The following CAMTA1 variants were observed in gnomAD, a reference collection of about 807,000 sequenced individuals.
CAMTA1 encodes the protein calmodulin binding transcription activator 1.
Under a neutral mutation model 170.9 loss-of-function variants are expected in CAMTA1, and 27 were observed. The ratio of observed to expected loss-of-function variants is 0.16; its 90% CI spans 0.12 to 0.22. The LOEUF (loss-of-function observed/expected upper bound fraction) is 0.22. Among genes scored for constraint, CAMTA1 ranks in the 10% least tolerant of loss-of-function variants. The probability of loss-of-function intolerance (pLI) is 1.00; values close to 1 mark genes in which losing one functional copy is unlikely to be tolerated. For missense variants in CAMTA1, 1,619 were observed against 2,217.2 expected, an observed-to-expected ratio of 0.73 and a Z score of 5.42; for synonymous variants, 833 against 891.5, an observed-to-expected ratio of 0.93 and a Z score of 1.17.
chr1:7,061,345 G>T (rs559853089), intron 3 of CAMTA1, among the ~76,000 whole-genome samples: 66 of 152,332 alleles, frequency 4.3e-4, no homozygotes, highest in African/African-American at 1.5e-3. Context: ...TCGCCAGCGC[G>T]CACAGTTGCT....
intron 7 of CAMTA1, among the ~76,000 whole-genome samples, chr1:7,647,720 G>C (rs929569951): frequency 5.9e-5 from 9 of 152,332 alleles, no homozygotes; most frequent in Admixed American, 2.0e-4. Context: ...ACGGCGGGCT[G>C]GGAGCTCCGA....
chr1:7,064,470 A>G lies in CAMTA1; in HGVS notation c.235-26834A>G, dbSNP rs1211746299. ...GTCCATAGCAGTCAGTAAATAGATAAAGCGAATTTCCCTGGTGGGAAGTGC... is the reference window on the plus strand; with the variant it reads ...GTCCATAGCAGTCAGTAAATAGATAGAGCGAATTTCCCTGGTGGGAAGTGC... On this transcript the variant is annotated intron_variant, in intron 3 of 22. Coordinates refer to ENST00000303635, the MANE Select transcript of CAMTA1 (RefSeq NM_015215.4). The surrounding 1 kb of genome is among the most constrained non-coding windows in gnomAD (Gnocchi z 5.4). Among the ~76,000 whole-genome samples the G allele has an allele frequency of 6.6e-6, 1 of 152,184 alleles. No homozygotes were observed. Among genetic ancestry groups the G allele is most frequent in the African/African-American group, 2.4e-5 (1 of 41,444 alleles).
rs76280670 is a variant in CAMTA1 at position 7,607,742 on chromosome 1, C to G, written c.511-32658C>G. On this transcript the variant is annotated intron_variant, in intron 6 of 22. Transcript: ENST00000303635. ...GTGTGAATGGAAAAGTGGCATGAAT[C>G]TTTCCTCAAATCTTTGAAAGACTGT... 9.3e-3 allele frequency among the ~76,000 whole-genome samples: 1,420 copies of G among 152,272 alleles called. 26 individuals are homozygous for G. Among genetic ancestry groups the G allele is most frequent in the African/African-American group, 0.033 (1,369 of 41,544 alleles).
At chr1:7,350,496 C>G (rs939065370) in intron 5 of CAMTA1, among the ~76,000 whole-genome samples, 2 of 152,186 alleles carry the variant, frequency 1.3e-5, no homozygotes, top group African/African-American at 4.8e-5. Context: ...AGTGTAGCCT[C>G]TCCGTTTCTG....
intron 6 of CAMTA1, among the ~76,000 whole-genome samples, chr1:7,589,289 G>A (rs1160628168): frequency 6.6e-6 from 1 of 152,190 alleles, no homozygotes; most frequent in African/African-American, 2.4e-5. Context: ...AGGGGTGGGT[G>A]TTGCCCTCTT....
chr1:7,556,431 C>G (rs1421565763), intron 6 of CAMTA1, among the ~76,000 whole-genome samples: 2 of 152,188 alleles, frequency 1.3e-5, no homozygotes, highest in Non-Finnish European at 2.9e-5. Context: ...GACGACTGTG[C>G]CTTCTTCCGG....
intron 5 of CAMTA1, among the ~76,000 whole-genome samples, chr1:7,358,507 G>C (rs1432348268): frequency 6.6e-6 from 1 of 151,886 alleles, no homozygotes; most frequent in East Asian, 2.0e-4. Flanking sequence ...CTTCCGGTGC[G>C]GAGCCTCCCT....
chr1:7,698,947 C>T (rs997548900), intron 11 of CAMTA1: 46 of 152,314 alleles, frequency 3.0e-4, no homozygotes, highest in African/African-American at 1.1e-3. Flanking sequence ...CTGCACCCCA[C>T]ATTGGCCCAG....
intron 11 of CAMTA1, among the ~76,000 whole-genome samples, chr1:7,720,506 T>C (rs1448773249): frequency 1.3e-5 from 2 of 152,080 alleles, no homozygotes; most frequent in African/African-American, 2.4e-5. Flanking sequence ...CTCAGCCTCC[T>C]GAGTGGCTAG....
At chr1:6,993,180 A>G (rs1291567962) in intron 3 of CAMTA1, among the ~76,000 whole-genome samples, 1 of 152,194 alleles carries the variant, frequency 6.6e-6, no homozygotes, top group African/African-American at 2.4e-5. Flanking sequence ...TTTCAAAATG[A>G]TTTGACTATC....
intron 12 of CAMTA1, among the ~76,000 whole-genome samples, chr1:7,734,806 G>A (rs560544852): frequency 6.6e-6 from 1 of 152,092 alleles, no homozygotes; most frequent in Non-Finnish European, 1.5e-5. Flanking sequence ...TAGTATTTCT[G>A]TAGTAAGTAA....
intron 4 of CAMTA1, among the ~76,000 whole-genome samples, chr1:7,240,484 G>A (rs901160625): frequency 6.7e-6 from 1 of 149,590 alleles, no homozygotes; most frequent in African/African-American, 2.5e-5. Flanking sequence ...CCCATCTTTG[G>A]TTAGTGGGAG....
chr1:6,843,764 G>A (rs887993353), intron 3 of CAMTA1, among the ~76,000 whole-genome samples: 3 of 152,188 alleles, frequency 2.0e-5, no homozygotes, highest in Non-Finnish European at 4.4e-5. Context: ...ATAGGCATGA[G>A]CCACTGCGCC....
At chr1:7,272,912 T>C (rs983826476) in intron 5 of CAMTA1, among the ~76,000 whole-genome samples, 3 of 151,950 alleles carry the variant, frequency 2.0e-5, no homozygotes, top group African/African-American at 7.3e-5. Flanking sequence ...AACTTAACAA[T>C]TAAAAGAAAA....
At chr1:7,320,056 G>T (rs1205205827) in intron 5 of CAMTA1, among the ~76,000 whole-genome samples, 1 of 152,160 alleles carries the variant, frequency 6.6e-6, no homozygotes, top group Non-Finnish European at 1.5e-5. Context: ...AATAATGAAA[G>T]TTTTATTCAG....
intron 3 of CAMTA1, among the ~76,000 whole-genome samples, chr1:7,018,561 T>G (rs1700895248): frequency 6.6e-6 from 1 of 152,150 alleles, no homozygotes; most frequent in Non-Finnish European, 1.5e-5. Context: ...CGCTTCTCCT[T>G]GCCAAGTTTA....
rs956245338 is a variant in CAMTA1, at chr1:6,997,978, T to A, written c.235-93326T>A. On this transcript the variant is annotated intron_variant, in intron 3 of 22. Coordinates refer to ENST00000303635, the MANE Select transcript of CAMTA1 (RefSeq NM_015215.4). ...CCAGCCTCCTTTCATTTATTACAAATTTTTTTTCCATCTCTTTATCTTTTT... is the reference window on the plus strand; with the variant it reads ...CCAGCCTCCTTTCATTTATTACAAAATTTTTTTCCATCTCTTTATCTTTTT... Among the ~76,000 whole-genome samples, 3 of 151,924 alleles carry A rather than the reference T, an allele frequency of 2.0e-5. No individual in the cohort carries two copies. In the East Asian group the frequency reaches 5.8e-4, roughly 29 times the overall value.
chr1:7,453,357 G>A (rs2092875605), intron 5 of CAMTA1, among the ~76,000 whole-genome samples: 1 of 152,168 alleles, frequency 6.6e-6, no homozygotes, highest in African/African-American at 2.4e-5. Context: ...AGAGTCAGGG[G>A]TGGGCCTGAC....
chr1:7,255,183 T>C (rs1467038087), intron 5 of CAMTA1, among the ~76,000 whole-genome samples: 1 of 152,092 alleles, frequency 6.6e-6, no homozygotes, highest in African/African-American at 2.4e-5. Context: ...AAATACCTAA[T>C]GTAGATGACA....
Sources: gnomAD v4.1 joint callset for allele counts (sites outside exome capture counted in the v4.1 genomes callset) on GRCh38, gnomAD v4.1.1 for gene constraint, Gnocchi (gnomAD v3.1) non-coding constraint, MANE v1.5 for transcripts, NCBI Gene and HGNC (gene_info 2026-07-23, HGNC 2026-07-21) for gene names.